The following GALR2 variants were observed in gnomAD, a reference collection of about 807,000 sequenced individuals.
The protein encoded by GALR2 is galanin receptor type 2.
Under a neutral mutation model 7.2 loss-of-function variants are expected in GALR2, and 5 were observed. That is an observed-to-expected ratio of 0.69 (90% CI 0.36 to 1.45). The LOEUF is 1.45. Among genes scored for constraint, GALR2 ranks in the 40% most tolerant of loss-of-function variants. The pLI is 0.03. For synonymous variants in GALR2, 300 were observed against 263.9 expected (o/e 1.14, Z -1.32); for missense variants, 561 against 555.7 (o/e 1.01, Z -0.10).
In GALR2 at chr17:76,077,115, C is replaced by T. The variant is rs2066894215; in HGVS notation, c.848C>T (p.Ala283Val). 1 of 1,612,936 alleles carries T rather than the reference C, an allele frequency of 6.2e-7. No individual in the cohort carries two copies. Among genetic ancestry groups the T allele is most frequent in the Non-Finnish European group, 8.5e-7 (1 of 1,179,902 alleles). Residue 283 changes from alanine (A) to valine (V), a missense_variant, in exon 2 of 2, where the codon GCC (alanine) becomes GTC (valine). Coordinates refer to ENST00000329003, the MANE Select transcript of GALR2 (RefSeq NM_003857.4). ...LRILSHLVSYANSCVNPIVYA... is the reference protein window; with the variant it reads ...LRILSHLVSYVNSCVNPIVYA... The stretch of plus-strand genomic sequence containing the variant: ...ATCCTCTCGCACCTGGTCTCCTACG[C>T]CAACTCCTGCGTCAACCCCATCGTT...
rs903781888 is a variant in GALR2 at position 76,077,510 on chromosome 17, A to T, written c.*79A>T. The T allele has an allele frequency of 8.1e-7, 1 of 1,237,906 alleles. No homozygotes were observed. Among genetic ancestry groups the T allele is most frequent in the East Asian group, 2.6e-5 (1 of 38,638 alleles). 76.7% of individuals were successfully genotyped at this position (1,237,906 alleles called of 1,614,324 possible). ...ACCGTGGGGAGAGCTTTGCCTGTTA[A>T]TAAAACGCACAAACCATTTCACACA... On this transcript the variant is annotated 3_prime_UTR_variant, in exon 2 of 2. Coordinates refer to ENST00000329003, the MANE Select transcript of GALR2 (RefSeq NM_003857.4).
Position 76,077,367 on chromosome 17 carries a change from G to C in GALR2, c.1100G>C (p.Cys367Ser). ...TCCCAGCCATGCATCCTCGAGCCCT[G>C]TCCTGGCCCGTCCTGGCAGGGCCCA... ...GASQPCILEP[C>S]PGPSWQGPKA... The change falls in exon 2 of 2, where the codon TGT becomes TCT. Residue 367 changes from cysteine (C) to serine (S), a missense_variant. By Grantham distance (112) the Cys-to-Ser change is moderately radical (BLOSUM62 -1). Transcript: ENST00000329003. The C allele has an allele frequency of 6.9e-7, 1 of 1,454,992 alleles. No individual in the cohort carries two copies. 90.1% of individuals were successfully genotyped at this position (1,454,992 alleles called of 1,614,324 possible).
chr17:76,072,493 T>G (rs775112377), upstream of GALR2: 2 of 1,583,328 alleles, frequency 1.3e-6, no homozygotes, highest in Non-Finnish European at 1.7e-6. This position sits in a 1 kb window ranked among gnomAD's most constrained non-coding sequence, Gnocchi z 4.5. Flanking sequence ...AGCAGCCATC[T>G]TGCCCCTGCG....
chr17:76,074,499 G>A (rs919870750), upstream of GALR2, among the ~76,000 whole-genome samples: 1 of 152,154 alleles, frequency 6.6e-6, no homozygotes. This position sits in a 1 kb window ranked among gnomAD's most constrained non-coding sequence, Gnocchi z 6.7. Flanking sequence ...CAGGGTCCGG[G>A]GTCGACCCCT....
rs1223104995 is a variant in GALR2, at chr17:76,074,943, C to T, written c.60C>T (p.Gly20=). Residue 20 remains glycine, a synonymous_variant, in exon 1 of 2, where the codon GGC becomes GGT. Transcript: ENST00000329003. The surrounding 1 kb of genome is among the most constrained non-coding windows in gnomAD (Gnocchi z 6.7). ...CGAGCCAGGCGGGCGGCGGGGGAGG[C>T]TGGCACCCCGAGGCGGTCATCGTGC... ...GNASQAGGGG[G]WHPEAVIVPL... 7 of 1,569,014 alleles carry T rather than the reference C, an allele frequency of 4.5e-6. No individual in the cohort carries two copies. Among genetic ancestry groups the T allele is most frequent in the Non-Finnish European group, 4.3e-6 (5 of 1,165,082 alleles).
chr17:76,072,321 G>C (rs1470287869), upstream of GALR2: 1 of 1,612,228 alleles, frequency 6.2e-7, no homozygotes, highest in Non-Finnish European at 8.5e-7. This position sits in a 1 kb window ranked among gnomAD's most constrained non-coding sequence, Gnocchi z 4.5. Context: ...CCAAACTCAG[G>C]CTATCCCCAA....
Position 76,077,401 on chromosome 17 carries a change from C to G in GALR2, c.1134C>G (p.Gly378=). ...CGTCCTGGCAGGGCCCAAAGGCAGGCGACAGCATCCTGACGGTTGATGTGG... is the reference window on the plus strand; with the variant it reads ...CGTCCTGGCAGGGCCCAAAGGCAGGGGACAGCATCCTGACGGTTGATGTGG... The part of the protein sequence containing the change: ...PGPSWQGPKA[G]DSILTVDVA Residue 378 remains glycine (G), a synonymous_variant, in exon 2 of 2, where the codon GGC becomes GGG. Coordinates refer to ENST00000329003, the MANE Select transcript of GALR2 (RefSeq NM_003857.4). 2.7e-6 allele frequency: 4 copies of G among 1,462,272 alleles called. No individual in the cohort carries two copies. The highest frequency in any genetic ancestry group is 3.6e-6 in the Non-Finnish European group (4 of 1,113,576). 90.6% of individuals were successfully genotyped at this position (1,462,272 alleles called of 1,614,324 possible).
rs1450644989 is a variant in GALR2 at position 76,075,898 on chromosome 17, C to G, written c.368+647C>G. Among the ~76,000 whole-genome samples the G allele has an allele frequency of 6.6e-6, 1 of 152,186 alleles. No homozygotes were observed. Among genetic ancestry groups the G allele is most frequent in the Non-Finnish European group, 1.5e-5 (1 of 68,038 alleles). On this transcript the variant is annotated intron_variant, in intron 1 of 1. Transcript: ENST00000329003. The surrounding 1 kb of genome is among the most constrained non-coding windows in gnomAD (Gnocchi z 5.9). Reference sequence around the variant, plus strand: ...AATAAAATCCAAAACAAGTCGGGGCCGGGAGAGGAGCGTGCCCTGGGGTTC... The same window carrying G: ...AATAAAATCCAAAACAAGTCGGGGCGGGGAGAGGAGCGTGCCCTGGGGTTC...
chr17:76,074,748 A>G (rs1269648009), upstream of GALR2: 3 of 948,746 alleles, frequency 3.2e-6, no homozygotes, highest in Admixed American at 3.1e-5. This position sits in a 1 kb window ranked among gnomAD's most constrained non-coding sequence, Gnocchi z 6.7. Context: ...CCCGCCCCAG[A>G]TGAGGCAAGG....
rs769670596 is a variant in GALR2 at position 76,076,776 on chromosome 17, C to G, written c.509C>G (p.Ala170Gly). The change falls in exon 2 of 2, where the codon GCC (alanine) becomes GGC (glycine). Residue 170 changes from alanine (A) to glycine (G), a missense_variant. Transcript: ENST00000329003. This position sits in a 1 kb window ranked among gnomAD's most constrained non-coding sequence, Gnocchi z 6.5. The stretch of plus-strand genomic sequence containing the variant: ...AGCTACTACCGCCAGTCGCAGCTGG[C>G]CAACCTGACCGTGTGCCATCCCGCG... ...YLSYYRQSQL[A>G]NLTVCHPAWS... 6.2e-7 allele frequency: 1 copy of G among 1,606,060 alleles called. No individual in the cohort carries two copies. The highest frequency in any genetic ancestry group is 8.5e-7 in the Non-Finnish European group (1 of 1,179,862).
rs1490665737 is a variant in GALR2, at chr17:76,075,294, C to T, written c.368+43C>T. 1 of 1,566,038 alleles carries T rather than the reference C, an allele frequency of 6.4e-7. No individual in the cohort carries two copies. Among genetic ancestry groups the T allele is most frequent in the Non-Finnish European group, 8.6e-7 (1 of 1,160,270 alleles). On this transcript the variant is annotated intron_variant, in intron 1 of 1. Transcript: ENST00000329003. This position sits in a 1 kb window ranked among gnomAD's most constrained non-coding sequence, Gnocchi z 5.9. Reference sequence around the variant, plus strand: ...CCTCCCTGGGAGATGGGCATCCACGCGGGGGATGGAGCGGGAGGCGGGACT... The same window carrying T: ...CCTCCCTGGGAGATGGGCATCCACGTGGGGGATGGAGCGGGAGGCGGGACT...
rs577694320 is a variant in GALR2, at chr17:76,074,919, G to A, written c.36G>A (p.Ala12=). 2.5e-5 allele frequency: 39 copies of A among 1,546,772 alleles called. No homozygotes were observed. Among genetic ancestry groups the A allele is most frequent in the Admixed American group, 7.7e-5 (4 of 51,970 alleles). Residue 12 remains alanine, a synonymous_variant, in exon 1 of 2, where the codon GCG becomes GCA. Transcript: ENST00000329003. This position sits in a 1 kb window ranked among gnomAD's most constrained non-coding sequence, Gnocchi z 6.7. The part of the protein sequence containing the change: ...NVSGCPGAGN[A]SQAGGGGGWH... ...CGGGCTGCCCAGGGGCCGGGAACGC[G>A]AGCCAGGCGGGCGGCGGGGGAGGCT...
At position 76,077,412 on chromosome 17, in the gene GALR2, TG is replaced by T; in HGVS notation, c.1146del (p.Thr383ArgfsTer9). On this transcript the variant is annotated frameshift_variant, in exon 2 of 2. Transcript: ENST00000329003. LOFTEE classifies it high-confidence loss of function. ...WQGPKAGDSI[L>X]TVDVA ...GGCCCAAAGGCAGGCGACAGCATCCTGACGGTTGATGTGGCCTGAAAGCACT... is the reference window on the plus strand; with the variant it reads ...GGCCCAAAGGCAGGCGACAGCATCCTACGGTTGATGTGGCCTGAAAGCACT... 1.4e-6 allele frequency: 2 copies of T among 1,454,826 alleles called. No homozygotes were observed. Among genetic ancestry groups the T allele is most frequent in the Non-Finnish European group, 1.8e-6 (2 of 1,109,800 alleles). 90.1% of individuals were successfully genotyped at this position (1,454,826 alleles called of 1,614,324 possible). A position where few individuals can be genotyped will look rare whatever the true frequency, so the allele number is the denominator to read the frequency against.
At position 76,076,906 on chromosome 17, in the gene GALR2, C is replaced by A. The variant is rs780813681; in HGVS notation, c.639C>A (p.Tyr213Ter). 1.7e-5 allele frequency: 27 copies of A among 1,602,276 alleles called. No individual in the cohort carries two copies. The highest frequency in any genetic ancestry group is 2.3e-5 in the Non-Finnish European group (27 of 1,178,658). ...LGLTYARTLR[Y>*]LWRAVDPVAA... is the part of the protein sequence containing the mutation. ...TGACCTACGCGCGCACCTTGCGCTA[C>A]CTCTGGCGCGCCGTCGACCCGGTGG... The change falls in exon 2 of 2, where the codon TAC becomes TAA. Residue 213 changes from tyrosine (Y) to a stop codon, truncating the protein, a stop_gained. Coordinates refer to ENST00000329003, the MANE Select transcript of GALR2 (RefSeq NM_003857.4). LOFTEE classifies it low-confidence loss of function (END_TRUNC). This position sits in a 1 kb window ranked among gnomAD's most constrained non-coding sequence, Gnocchi z 6.5.
In GALR2 at chr17:76,075,869, A is replaced by G. The variant is rs2066886099; in HGVS notation, c.368+618A>G. On this transcript the variant is annotated intron_variant, in intron 1 of 1. Transcript: ENST00000329003. This position sits in a 1 kb window ranked among gnomAD's most constrained non-coding sequence, Gnocchi z 5.9. ...GCCTCTCGCCTCCAAACAAAACAAA[A>G]CAAAATAAAATCCAAAACAAGTCGG... Among the ~76,000 whole-genome samples the G allele has an allele frequency of 6.6e-6, 1 of 152,224 alleles. No individual in the cohort carries two copies. Among genetic ancestry groups the G allele is most frequent in the Non-Finnish European group, 1.5e-5 (1 of 68,040 alleles).
chr17:76,072,477 C>T, upstream of GALR2: 1 of 1,582,356 alleles, frequency 6.3e-7, no homozygotes, highest in Non-Finnish European at 8.5e-7. The surrounding 1 kb of genome is among the most constrained non-coding windows in gnomAD (Gnocchi z 4.5). Context: ...CTGGGACCTG[C>T]TTCTCAGCAG....
Position 76,075,291 on chromosome 17 carries a change from A to C in GALR2, c.368+40A>C. 1.3e-6 allele frequency: 2 copies of C among 1,569,476 alleles called. No individual in the cohort carries two copies. Among genetic ancestry groups the C allele is most frequent in the Admixed American group, 1.7e-5 (1 of 58,296 alleles). Reference sequence around the variant, plus strand: ...TGGCCTCCCTGGGAGATGGGCATCCACGCGGGGGATGGAGCGGGAGGCGGG... The same window carrying C: ...TGGCCTCCCTGGGAGATGGGCATCCCCGCGGGGGATGGAGCGGGAGGCGGG... On this transcript the variant is annotated intron_variant, in intron 1 of 1. Coordinates refer to ENST00000329003, the MANE Select transcript of GALR2 (RefSeq NM_003857.4). This position sits in a 1 kb window ranked among gnomAD's most constrained non-coding sequence, Gnocchi z 5.9.
At chr17:76,072,505 C>T (rs960045773), upstream of GALR2, 1 of 1,580,586 alleles carries the variant, frequency 6.3e-7, no homozygotes, top group South Asian at 1.1e-5. The surrounding 1 kb of genome is among the most constrained non-coding windows in gnomAD (Gnocchi z 4.5). Flanking sequence ...GCCCCTGCGC[C>T]GCAGAGCAAG....
At chr17:76,073,781 A>G (rs979111706), upstream of GALR2, among the ~76,000 whole-genome samples, 9 of 151,686 alleles carry the variant, frequency 5.9e-5, no homozygotes, top group Non-Finnish European at 7.4e-5. Context: ...GGAGCCAAAG[A>G]CAGAGCCTGA....
Sources: gnomAD v4.1 joint callset for allele counts (sites outside exome capture counted in the v4.1 genomes callset) on GRCh38, gnomAD v4.1.1 for gene constraint, Gnocchi (gnomAD v3.1) non-coding constraint, MANE v1.5 for transcripts, NCBI Gene and HGNC (gene_info 2026-07-23, HGNC 2026-07-21) for gene names.